The following LOXHD1 variants were observed in gnomAD, a reference collection of about 807,000 sequenced individuals.
The protein encoded by LOXHD1 is lipoxygenase homology PLAT domains 1.
Under a neutral mutation model 248.2 loss-of-function variants are expected in LOXHD1, and 205 were observed. The ratio of observed to expected loss-of-function variants is 0.83; its 90% CI spans 0.74 to 0.93. The LOEUF is 0.93. LOXHD1 is among the 40% of genes least tolerant of loss of function. The pLI is 0.00. For missense variants in LOXHD1, 2,930 were observed against 2,971.6 expected, an observed-to-expected ratio of 0.99 and a Z score of 0.33; for synonymous variants, 1,113 against 1,162.8, an observed-to-expected ratio of 0.96 and a Z score of 0.87.
chr18:46,524,985 C>T (rs2035763223), intron 29 of LOXHD1, 68 bp from the exon 30 acceptor site: 1 of 1,502,028 alleles, frequency 6.7e-7, no homozygotes, highest in African/African-American at 1.4e-5. Flanking sequence ...CAGCCCCACC[C>T]TTCTGGGACC....
intron 4 of LOXHD1, among the ~76,000 whole-genome samples, chr18:46,634,207 G>A (rs1055665712): frequency 6.6e-6 from 1 of 152,178 alleles, no homozygotes; most frequent in African/African-American, 2.4e-5. Context: ...GGACCAATAA[G>A]TTGTGTTATA....
chr18:46,575,978 GT>G (rs1266678516), intron 14 of LOXHD1, among the ~76,000 whole-genome samples: 2 of 152,024 alleles, frequency 1.3e-5, no homozygotes, highest in African/African-American at 4.8e-5. Flanking sequence ...CTTTCCCCTG[GT>G]GCTCTCCTCT....
rs1256706665 is a variant in LOXHD1 at position 46,485,869 on chromosome 18, C to T, written c.6050-718G>A. ...GTCCTGGTACTTTCTCTCTTTCTCA[C>T]TCCAGCCACTCTGCCTCCTAGCTGC... is the stretch of plus-strand genomic sequence containing the variant. On this transcript the variant is annotated intron_variant, in intron 38 of 40. Transcript: ENST00000642948. 5.3e-5 allele frequency among the ~76,000 whole-genome samples: 8 copies of T among 152,092 alleles called. No individual in the cohort carries two copies. The East Asian group carries it at 1.5e-3, about 29-fold the overall frequency.
intron 2 of LOXHD1, among the ~76,000 whole-genome samples, chr18:46,642,319 A>G (rs574404754): frequency 2.6e-5 from 4 of 152,204 alleles, no homozygotes; most frequent in Non-Finnish European, 4.4e-5. Context: ...ACAAACTGCT[A>G]GTTGGTAGCA....
rs1193749991 is a variant in LOXHD1, at chr18:46,618,218, T to C, written c.584A>G (p.Asn195Ser). Residue 195 changes from asparagine (N) to serine (S), a missense_variant, in exon 5 of 41, where the codon AAT (asparagine) becomes AGT (serine). Asn to Ser is a conservative substitution (Grantham distance 46). Coordinates refer to ENST00000642948, the MANE Select transcript of LOXHD1 (RefSeq NM_001384474.1). ...GAGTDADVFI[N>S]IFGEYGDTGE... ...TGTGTCTCCATACTCTCCAAAAATA[T>C]TGATGAAGACATCAGCATCTGTCCC... The C allele has an allele frequency of 3.9e-6, 6 of 1,551,318 alleles. No individual in the cohort carries two copies. Among genetic ancestry groups the C allele is most frequent in the Non-Finnish European group, 5.2e-6 (6 of 1,146,670 alleles).
intron 20 of LOXHD1, chr18:46,557,904 G>A: frequency 9.2e-7 from 1 of 1,088,220 alleles, no homozygotes. Flanking sequence ...TTAAGTACCT[G>A]CTATGAGCTG....
intron 1 of LOXHD1, among the ~76,000 whole-genome samples, chr18:46,655,578 T>G (rs532997541): frequency 4.3e-4 from 65 of 152,300 alleles, no homozygotes; most frequent in African/African-American, 1.5e-3. Context: ...ACATGTACTG[T>G]TAGAAGGTGG....
chr18:46,509,738 A>G lies in LOXHD1; in HGVS notation c.5477T>C (p.Ile1826Thr), dbSNP rs1371607193. The change falls in exon 35 of 41, where the codon ATT becomes ACT. Residue 1826 changes from isoleucine to threonine, a missense_variant. Physicochemically the swap from Ile to Thr is moderately conservative, Grantham distance 89. Coordinates refer to ENST00000642948, the MANE Select transcript of LOXHD1 (RefSeq NM_001384474.1). The stretch of plus-strand genomic sequence containing the variant: ...CTCCGGCCGACTGCCCAGGCCATCA[A>G]TCCGGATCCGCATCTTGGTGAATGG... ...IAPFTKMRIR[I>T]DGLGSRPEWF... 2 of 1,551,496 alleles carry G rather than the reference A, an allele frequency of 1.3e-6. No individual in the cohort carries two copies. The highest frequency in any genetic ancestry group is 2.0e-5 in the Admixed American group (1 of 50,986).
chr18:46,614,718 T>TAAAAAATA (rs148821094), intron 5 of LOXHD1, among the ~76,000 whole-genome samples: 5 of 149,748 alleles, frequency 3.3e-5, no homozygotes, highest in African/African-American at 1.2e-4. Context: ...TAAAGTATAA[T>TAAAAAATA]AATAAATAAA....
Position 46,628,368 on chromosome 18 carries a change from A to G in LOXHD1, c.512-10078T>C, listed in dbSNP as rs601685. 8.5e-3 allele frequency among the ~76,000 whole-genome samples: 1,293 copies of G among 152,238 alleles called. 8 individuals carry two copies. Among genetic ancestry groups the G allele is most frequent in the African/African-American group, 0.029 (1,213 of 41,564 alleles). On this transcript the variant is annotated intron_variant, in intron 4 of 40. Transcript: ENST00000642948. ...GAGGAAAGTGCTGCAGGGCTGGCCC[A>G]GCCCTCCCTACCCTGGAGTCCTTGC...
chr18:46,501,704 G>T (rs1012415915), intron 37 of LOXHD1, among the ~76,000 whole-genome samples: 13 of 152,186 alleles, frequency 8.5e-5, no homozygotes, highest in African/African-American at 2.9e-4. Flanking sequence ...AGGAGCAATG[G>T]TTCAGTGTTT....
Position 46,521,102 on chromosome 18 carries a change from C to G in LOXHD1, c.5266G>C (p.Val1756Leu). The G allele has an allele frequency of 6.4e-7, 1 of 1,551,660 alleles. No homozygotes were observed. The highest frequency in any genetic ancestry group is 8.7e-7 in the Non-Finnish European group (1 of 1,146,922). Reference protein sequence around the residue: ...LLDAMVVNIGVKVLYEMTVWT... With the variant: ...LLDAMVVNIGLKVLYEMTVWT... ...ACTCACAGTGCCCCCCCTACCTTCA[C>G]CCCAATGTTCACCACCATGGCATCC... The change falls in exon 33 of 41, where the codon GTG becomes CTG. Residue 1756 changes from valine (V) to leucine (L), a missense_variant. Physicochemically the swap from Val to Leu is conservative, Grantham distance 32. Transcript: ENST00000642948.
chr18:46,524,863 G>A lies in LOXHD1; in HGVS notation c.4585C>T (p.Leu1529Phe). 1.3e-6 allele frequency: 2 copies of A among 1,551,778 alleles called. No homozygotes were observed. The highest frequency in any genetic ancestry group is 2.4e-5 in the East Asian group (1 of 40,926). ...CACCACTTGGAGTTGTCATGGCGGA[G>A]CTTGATCTTGTAGATGACGCCTAGG... is the stretch of plus-strand genomic sequence containing the variant. ...ADLGVIYKIK[L>F]RHDNSKWCAD... Residue 1529 changes from leucine to phenylalanine, a missense_variant, in exon 30 of 41, where the codon CTC becomes TTC. Transcript: ENST00000642948.
Position 46,489,099 on chromosome 18 carries a change from G to T in LOXHD1, c.5922C>A (p.Asp1974Glu), listed in dbSNP as rs1598827375. ...GWHLSYVDVKDNSRDETFHFQ... is the reference protein window; with the variant it reads ...GWHLSYVDVKENSRDETFHFQ... ...AGTGGAAGGTCTCGTCGCGGGAGTT[G>T]TCCTTCACATCGACATAGCTCAGAT... The change falls in exon 38 of 41, where the codon GAC (aspartate) becomes GAA (glutamate). Residue 1974 changes from aspartate to glutamate, a missense_variant. By Grantham distance (45) the Asp-to-Glu change is conservative. Coordinates refer to ENST00000642948, the MANE Select transcript of LOXHD1 (RefSeq NM_001384474.1). 1.9e-6 allele frequency: 3 copies of T among 1,551,728 alleles called. No homozygotes were observed. Among genetic ancestry groups the T allele is most frequent in the East Asian group, 2.4e-5 (1 of 40,920 alleles).
chr18:46,586,596 C>A (rs1259855389), intron 12 of LOXHD1, among the ~76,000 whole-genome samples: 1 of 142,086 alleles, frequency 7.0e-6, no homozygotes, highest in East Asian at 2.1e-4. Context: ...CAGGTACCTG[C>A]GACCATGCCT....
chr18:46,633,097 T>C (rs2038847793), intron 4 of LOXHD1, among the ~76,000 whole-genome samples: 1 of 152,250 alleles, frequency 6.6e-6, no homozygotes, highest in African/African-American at 2.4e-5. Context: ...CTATGGTCAC[T>C]GTTAAAATCA....
In LOXHD1 at chr18:46,489,182, C is replaced by T. The variant is rs766409500; in HGVS notation, c.5879-40G>A. ...CCATGGGGGTTGGAAGCTGGATGTG[C>T]CTTCCCTCCCCTTTCAGACTTCTAC... On this transcript the variant is annotated intron_variant, in intron 37 of 40. Coordinates refer to ENST00000642948, the MANE Select transcript of LOXHD1 (RefSeq NM_001384474.1). The T allele has an allele frequency of 3.2e-6, 5 of 1,544,898 alleles. 1 individual carries two copies. In the South Asian group the frequency reaches 4.8e-5, roughly 15 times the overall value.
intron 37 of LOXHD1, among the ~76,000 whole-genome samples, chr18:46,504,621 A>T (rs1249710639): frequency 6.6e-6 from 1 of 152,200 alleles, no homozygotes; most frequent in Middle Eastern, 3.2e-3. Flanking sequence ...TTATGGAAAA[A>T]ATTTTAACTG....
chr18:46,545,629 T>TTTTTTTTTTTTTC (rs2036775299), intron 22 of LOXHD1, among the ~76,000 whole-genome samples: 1 of 52,922 alleles, frequency 1.9e-5, no homozygotes, highest in African/African-American at 5.0e-5. Flanking sequence ...GGCCATTTCT[T>TTTTTTTTTTTTTC]TTTTTTTTTT....
Sources: gnomAD v4.1 joint callset for allele counts (sites outside exome capture counted in the v4.1 genomes callset) on GRCh38, gnomAD v4.1.1 for gene constraint, MANE v1.5 for transcripts, NCBI Gene and HGNC (gene_info 2026-07-23, HGNC 2026-07-21) for gene names.